ZNF74: variants seen among roughly 807,000 people sequenced by gnomAD.
ZNF74 encodes the protein zinc finger protein 520.
A neutral mutation model predicts 17.7 loss-of-function variants in ZNF74; 12 were observed. That is an observed-to-expected ratio of 0.68 (90% CI 0.43 to 1.10). The LOEUF (loss-of-function observed/expected upper bound fraction) is 1.10, where lower values mean the gene tolerates loss of function less well. ZNF74 is among the 50% of genes least tolerant of loss of function. The probability of loss-of-function intolerance (pLI) is 0.00; values close to 1 mark genes in which losing one functional copy is unlikely to be tolerated. For synonymous variants in ZNF74, 358 were observed against 362.1 expected, an observed-to-expected ratio of 0.99 and a Z score of 0.13; for missense variants, 811 against 881.0, an observed-to-expected ratio of 0.92 and a Z score of 1.01.
Position 20,402,742 on chromosome 22 carries a change from G to C in ZNF74, c.343+1370G>C, listed in dbSNP as rs184051600. Among the ~76,000 whole-genome samples the C allele has an allele frequency of 3.7e-3, 562 of 150,834 alleles. 2 individuals are homozygous for C. The highest frequency in any genetic ancestry group is 0.013 in the African/African-American group (542 of 40,998). On this transcript the variant is annotated intron_variant, in intron 4 of 4. Transcript: ENST00000400451. ...CTTGAACCCAGGAGGCAGAGGTTGC[G>C]GTGAGCTGAGATCGTGCCATTGCAC...
intron 1 of ZNF74, 90 bp from the exon 2 acceptor site, chr22:20,395,243 C>G: frequency 1.0e-6 from 1 of 999,786 alleles, no homozygotes; most frequent in South Asian, 1.6e-5. Context: ...TCTGCCTCCT[C>G]TCTGATTCTC....
In ZNF74 at chr22:20,400,711, T is replaced by C. The variant is rs1444436911; in HGVS notation, c.200T>C (p.Leu67Ser). ...WGQLDSPQRA[L>S]YRDVMLENYQ... ...CAACTAGACTCCCCTCAGAGGGCCT[T>C]GTACCGGGATGTGATGTTGGAGAAC... The change falls in exon 3 of 5, where the codon TTG becomes TCG. Residue 67 changes from leucine to serine, a missense_variant. Transcript: ENST00000400451. The C allele has an allele frequency of 1.8e-5, 29 of 1,614,112 alleles. No homozygotes were observed. Among genetic ancestry groups the C allele is most frequent in the Non-Finnish European group, 2.5e-5 (29 of 1,180,000 alleles).
chr22:20,396,950 G>T (rs943564437), intron 2 of ZNF74, among the ~76,000 whole-genome samples: 1 of 152,162 alleles, frequency 6.6e-6, no homozygotes, highest in South Asian at 2.1e-4. Context: ...AGGCCTGTGC[G>T]GGCCTCAGAC....
chr22:20,399,823 TA>T (rs1422107901), intron 2 of ZNF74: 3 of 195,076 alleles, frequency 1.5e-5, no homozygotes, highest in Admixed American at 5.7e-5. Context: ...TCTTTTGAGG[TA>T]AACACATACT....
At chr22:20,402,846 C>A (rs1467401218) in intron 4 of ZNF74, among the ~76,000 whole-genome samples, 1 of 150,774 alleles carries the variant, frequency 6.6e-6, no homozygotes, top group Non-Finnish European at 1.5e-5. Flanking sequence ...GTGGTGAGCA[C>A]CTGTAATCCC....
intron 4 of ZNF74, among the ~76,000 whole-genome samples, chr22:20,404,564 G>A (rs1314111759): frequency 1.3e-5 from 2 of 151,946 alleles, no homozygotes; most frequent in African/African-American, 2.4e-5. Flanking sequence ...CAAGTGATCC[G>A]CCACCTTGAC....
rs778847070 is a variant in ZNF74 at position 20,406,786 on chromosome 22, G to T, written c.1753G>T (p.Ala585Ser). ...QRLHSEGKPL[A>S]IQFNKHLLST... ...GCTGCACAGCGAGGGGAAGCCCTTG[G>T]CCATCCAGTTCAACAAACACCTGCT... The change falls in exon 5 of 5, where the codon GCC (alanine) becomes TCC (serine). Residue 585 changes from alanine (A) to serine (S), a missense_variant. Transcript: ENST00000400451. 3.1e-6 allele frequency: 5 copies of T among 1,614,130 alleles called. No individual in the cohort carries two copies. The Admixed American group carries it at 8.3e-5, about 27-fold the overall frequency.
intron 2 of ZNF74, among the ~76,000 whole-genome samples, chr22:20,397,543 G>T (rs1434666378): frequency 6.6e-6 from 1 of 152,050 alleles, no homozygotes; most frequent in African/African-American, 2.4e-5. Flanking sequence ...TGCATTCAGT[G>T]GTCTCCCCTC....
Position 20,406,738 on chromosome 22 carries a change from T to C in ZNF74, c.1705T>C (p.Ser569Pro), listed in dbSNP as rs190749586. The change falls in exon 5 of 5, where the codon TCG becomes CCG. Residue 569 changes from serine (S) to proline (P), a missense_variant. Physicochemically the swap from Ser to Pro is moderately conservative, Grantham distance 74. Coordinates refer to ENST00000400451, the MANE Select transcript of ZNF74 (RefSeq NM_003426.4). ...EKCGEMFNWS[S>P]HLTEHQRLHS... ...ATGTGGGGAGATGTTCAACTGGAGC[T>C]CGCACCTCACTGAGCACCAGAGGCT... 586 of 1,614,106 alleles carry C rather than the reference T, an allele frequency of 3.6e-4. 4 individuals are homozygous for C. The East Asian group carries it at 0.012, about 32-fold the overall frequency.
chr22:20,398,027 C>G (rs943847773), intron 2 of ZNF74, among the ~76,000 whole-genome samples: 1 of 152,142 alleles, frequency 6.6e-6, no homozygotes, highest in African/African-American at 2.4e-5. Context: ...CTTTAAAGAA[C>G]CTCTCTCCAG....
intron 4 of ZNF74, 117 bp from the exon 5 acceptor site, chr22:20,405,260 C>T (rs1228790486): frequency 2.7e-6 from 3 of 1,129,820 alleles, no homozygotes; most frequent in Admixed American, 2.4e-5. Flanking sequence ...CAGCCTTGGC[C>T]CTGGTGGCCT....
chr22:20,398,112 A>C (rs2052315738), intron 2 of ZNF74, among the ~76,000 whole-genome samples: 1 of 152,192 alleles, frequency 6.6e-6, no homozygotes, highest in Non-Finnish European at 1.5e-5. Flanking sequence ...TGAGGTCAGG[A>C]GTTCAAGACC....
In ZNF74 at chr22:20,394,341, C is replaced by G. The variant is rs1440262063; in HGVS notation, c.-288C>G. ...CCCTGGTCTCCGAGCGCGGGTTCGC[C>G]GGGAGGAGCGTGTGGCGGGGGTGTG... is the stretch of plus-strand genomic sequence containing the variant. On this transcript the variant is annotated 5_prime_UTR_variant, in exon 1 of 5. Coordinates refer to ENST00000400451, the MANE Select transcript of ZNF74 (RefSeq NM_003426.4). The G allele has an allele frequency of 5.8e-6, 4 of 694,450 alleles. No individual in the cohort carries two copies. Among genetic ancestry groups the G allele is most frequent in the Non-Finnish European group, 8.0e-6 (3 of 375,952 alleles). 43.0% of individuals were successfully genotyped at this position (694,450 alleles called of 1,614,324 possible). A position where few individuals can be genotyped will look rare whatever the true frequency, so the allele number is the denominator to read the frequency against.
In ZNF74 at chr22:20,407,662, A is replaced by T. The variant is rs2146105281; in HGVS notation, c.*694A>T. 1 of 152,374 alleles carries T rather than the reference A, an allele frequency of 6.6e-6. No homozygotes were observed. Among genetic ancestry groups the T allele is most frequent in the East Asian group, 1.9e-4 (1 of 5,192 alleles). 9.4% of individuals were successfully genotyped at this position (152,374 alleles called of 1,614,324 possible). On this transcript the variant is annotated 3_prime_UTR_variant, in exon 5 of 5. Coordinates refer to ENST00000400451, the MANE Select transcript of ZNF74 (RefSeq NM_003426.4). Reference sequence around the variant, plus strand: ...ACTATTATTTTCAGAATAATAATAAAACAAGAATTATGACTAGCATCACTT... The same window carrying T: ...ACTATTATTTTCAGAATAATAATAATACAAGAATTATGACTAGCATCACTT...
In ZNF74 at chr22:20,401,223, C is replaced by T. The variant is rs117562299; in HGVS notation, c.248-54C>T. Reference sequence around the variant, plus strand: ...CTTGTTAGGGGGCGGCCTGTAAGGTCGACTGGGCCTGGAGAGCTGCAGCAT... The same window carrying T: ...CTTGTTAGGGGGCGGCCTGTAAGGTTGACTGGGCCTGGAGAGCTGCAGCAT... On this transcript the variant is annotated intron_variant, in intron 3 of 4. Transcript: ENST00000400451. The surrounding 1 kb of genome is among the most constrained non-coding windows in gnomAD (Gnocchi z 4.2). 4.4e-3 allele frequency: 5,633 copies of T among 1,284,208 alleles called. 177 individuals carry two copies. In the East Asian group the frequency reaches 0.081, roughly 18 times the overall value. The allele number at this position is 1,284,208 out of a possible 1,614,324, so 79.6% of individuals were successfully genotyped here. A position where few individuals can be genotyped will look rare whatever the true frequency, so the allele number is the denominator to read the frequency against.
At chr22:20,399,641 G>A (rs1464501636) in intron 2 of ZNF74, 3 of 367,220 alleles carry the variant, frequency 8.2e-6, no homozygotes, top group Non-Finnish European at 1.6e-5. Context: ...CGCAATCTTG[G>A]CTCACTGCAA....
At position 20,394,643 on chromosome 22, in the gene ZNF74, C is replaced by T. The variant is rs750105846; in HGVS notation, c.15C>T (p.Ala5=). MEIP[A]PEPEKTALSS... is the part of the protein sequence containing the mutation. ...CCGTGGAGGCCATGGAGATCCCTGC[C>T]CCGGAGCCCGAGAAGACAGGTACAG... The change falls in exon 1 of 5, where the codon GCC becomes GCT. Residue 5 remains alanine (A), a synonymous_variant. Coordinates refer to ENST00000400451, the MANE Select transcript of ZNF74 (RefSeq NM_003426.4). 6.2e-7 allele frequency: 1 copy of T among 1,614,176 alleles called. No homozygotes were observed. Among genetic ancestry groups the T allele is most frequent in the East Asian group, 2.2e-5 (1 of 44,884 alleles).
rs1298120899 is a variant in ZNF74, at chr22:20,405,787, G to T, written c.754G>T (p.Glu252Ter). ...CGGGGAGGGCGAGTTCGTGTGCGGC[G>T]AGTGCGGGAAGGCGTTCCGCCAGAG... is the stretch of plus-strand genomic sequence containing the variant. ...GAGEGEFVCG[E>*]CGKAFRQSSS... The change falls in exon 5 of 5, where the codon GAG becomes TAG. Residue 252 changes from glutamate (E) to a stop codon, truncating the protein, a stop_gained. Coordinates refer to ENST00000400451, the MANE Select transcript of ZNF74 (RefSeq NM_003426.4). LOFTEE classifies it low-confidence loss of function (END_TRUNC). The T allele has an allele frequency of 1.2e-6, 2 of 1,611,344 alleles. No homozygotes were observed.
chr22:20,405,751 G>C lies in ZNF74; in HGVS notation c.718G>C (p.Gly240Arg). 1 of 1,605,256 alleles carries C rather than the reference G, an allele frequency of 6.2e-7. No individual in the cohort carries two copies. The highest frequency in any genetic ancestry group is 8.5e-7 in the Non-Finnish European group (1 of 1,176,476). The change falls in exon 5 of 5, where the codon GGG (glycine) becomes CGG (arginine). Residue 240 changes from glycine (G) to arginine (R), a missense_variant. Gly to Arg is a moderately radical substitution (Grantham distance 125). Coordinates refer to ENST00000400451, the MANE Select transcript of ZNF74 (RefSeq NM_003426.4). ...GTTCCCCCAGGTGCGCCGGCAGCGC[G>C]GGGCGGGCGCCGGGGAGGGCGAGTT... ...EKFPQVRRQRGAGAGEGEFVC... is the reference protein window; with the variant it reads ...EKFPQVRRQRRAGAGEGEFVC...
Sources: gnomAD v4.1 joint callset for allele counts (sites outside exome capture counted in the v4.1 genomes callset) on GRCh38, gnomAD v4.1.1 for gene constraint, Gnocchi (gnomAD v3.1) non-coding constraint, MANE v1.5 for transcripts, NCBI Gene and HGNC (gene_info 2026-07-23, HGNC 2026-07-21) for gene names.